The following B3GALNT2 variants were observed in gnomAD, a reference collection of about 807,000 sequenced individuals.
B3GALNT2 encodes the protein beta-1,3-N-acetylgalactosaminyltransferase 2.
A neutral mutation model predicts 61.1 loss-of-function variants in B3GALNT2; 53 were observed. The observed-to-expected ratio is 0.87, with a 90% CI of 0.70 to 1.09. B3GALNT2 has a LOEUF of 1.09. Ranked by LOEUF, B3GALNT2 falls within the 50% of genes least tolerant of loss-of-function variation. The pLI is 0.00. For missense variants in B3GALNT2, 544 were observed against 623.0 expected (o/e 0.87, Z 1.35); for synonymous variants, 223 against 237.4 (o/e 0.94, Z 0.56).
chr1:235,449,979 C>A lies in B3GALNT2; in HGVS notation c.*227G>T. The A allele has an allele frequency of 5.1e-6, 2 of 393,454 alleles. No homozygotes were observed. Among genetic ancestry groups the A allele is most frequent in the East Asian group, 8.0e-5 (2 of 24,890 alleles). 24.4% of individuals were successfully genotyped at this position (393,454 alleles called of 1,614,324 possible). Reference sequence around the variant, plus strand: ...AATAACTTGGTATTTTTCTGATAATCTTCCAATAGATAAATAAAAACTTTT... The same window carrying A: ...AATAACTTGGTATTTTTCTGATAATATTCCAATAGATAAATAAAAACTTTT... On this transcript the variant is annotated 3_prime_UTR_variant, in exon 12 of 12. Transcript: ENST00000366600.
At chr1:235,467,352 A>AAAAT (rs1572506374) in intron 6 of B3GALNT2, among the ~76,000 whole-genome samples, 2 of 152,214 alleles carry the variant, frequency 1.3e-5, no homozygotes, top group East Asian at 3.9e-4. Flanking sequence ...CCATCTCAAA[A>AAAAT]AAATAAATAA....
intron 3 of B3GALNT2, among the ~76,000 whole-genome samples, chr1:235,488,332 T>A (rs556687909): frequency 2.0e-5 from 3 of 152,192 alleles, no homozygotes; most frequent in African/African-American, 7.2e-5. Flanking sequence ...GTCTCCTGGA[T>A]CCTAAAGTTC....
intron 3 of B3GALNT2, among the ~76,000 whole-genome samples, chr1:235,488,781 T>C (rs1237757699): frequency 6.7e-6 from 1 of 148,306 alleles, no homozygotes; most frequent in Non-Finnish European, 1.5e-5. Context: ...CTCCAGGGCA[T>C]GGTGGCTCAT....
At position 235,504,026 on chromosome 1, in the gene B3GALNT2, C is replaced by T. The variant is rs1383229697; in HGVS notation, c.112+115G>A. ...AAGAGCCGTTTGTTTCGTCTGGGGA[C>T]CGTCGCGTTTGGCCCTTCCCCCGCC... is the stretch of plus-strand genomic sequence containing the variant. On this transcript the variant is annotated intron_variant, in intron 1 of 11. Transcript: ENST00000366600. 5.5e-6 allele frequency: 6 copies of T among 1,083,754 alleles called. No individual in the cohort carries two copies. In the African/African-American group the frequency reaches 6.6e-5, roughly 12 times the overall value. 67.1% of individuals were successfully genotyped at this position (1,083,754 alleles called of 1,614,324 possible).
rs1449852345 is a variant in B3GALNT2 at position 235,447,401 on chromosome 1, AT to A, written c.*2804del. On this transcript the variant is annotated 3_prime_UTR_variant, in exon 12 of 12. Transcript: ENST00000366600. ...ATTTCTTATAATCAAAATATCCACT[AT>A]TTACCACAACCCGTCTTTGGAAAGA... is the stretch of plus-strand genomic sequence containing the variant. Among the ~76,000 whole-genome samples the A allele has an allele frequency of 6.6e-6, 1 of 152,218 alleles. No individual in the cohort carries two copies. Among genetic ancestry groups the A allele is most frequent in the Non-Finnish European group, 1.5e-5 (1 of 68,040 alleles).
rs1015718556 is a variant in B3GALNT2 at position 235,485,620 on chromosome 1, T to C, written c.362-1105A>G. 5.3e-5 allele frequency among the ~76,000 whole-genome samples: 8 copies of C among 152,174 alleles called. No homozygotes were observed. The East Asian group carries it at 1.5e-3, about 29-fold the overall frequency. ...CTTCAAATAAATTTTCTAATTACCATAAATGAATCAGAATACATTAAATAA... is the reference window on the plus strand; with the variant it reads ...CTTCAAATAAATTTTCTAATTACCACAAATGAATCAGAATACATTAAATAA... On this transcript the variant is annotated intron_variant, in intron 3 of 11. Coordinates refer to ENST00000366600, the MANE Select transcript of B3GALNT2 (RefSeq NM_152490.5).
In B3GALNT2 at chr1:235,448,354, A is replaced by T; in HGVS notation, c.*1852T>A. On this transcript the variant is annotated 3_prime_UTR_variant, in exon 12 of 12. Coordinates refer to ENST00000366600, the MANE Select transcript of B3GALNT2 (RefSeq NM_152490.5). ...CTTTTCTTGTCTTTTGATAGGCTCCATGACAATTCAAAAGGTGAAGGGATT... is the reference window on the plus strand; with the variant it reads ...CTTTTCTTGTCTTTTGATAGGCTCCTTGACAATTCAAAAGGTGAAGGGATT... 1 of 1,613,980 alleles carries T rather than the reference A, an allele frequency of 6.2e-7. No individual in the cohort carries two copies. Among genetic ancestry groups the T allele is most frequent in the East Asian group, 2.2e-5 (1 of 44,888 alleles).
chr1:235,489,033 G>C (rs1684937670), intron 3 of B3GALNT2, 135 bp downstream of exon 3: 3 of 1,233,998 alleles, frequency 2.4e-6, no homozygotes, highest in Middle Eastern at 3.0e-4. Flanking sequence ...CTAGGCGACA[G>C]AGCAAGACCC....
intron 1 of B3GALNT2, among the ~76,000 whole-genome samples, chr1:235,502,065 T>TG (rs1685604985): frequency 6.6e-6 from 1 of 152,182 alleles, no homozygotes; most frequent in Non-Finnish European, 1.5e-5. Flanking sequence ...CAGGCTGGAG[T>TG]GCAGTGGCGC....
At chr1:235,465,915 A>G (rs980472059) in intron 6 of B3GALNT2, 4 of 568,720 alleles carry the variant, frequency 7.0e-6, no homozygotes, top group African/African-American at 1.9e-5. Context: ...AATACTAAAG[A>G]TAAGATATAC....
chr1:235,463,969 A>G (rs1558415843), intron 7 of B3GALNT2: 1 of 152,228 alleles, frequency 6.6e-6, no homozygotes, highest in Non-Finnish European at 1.5e-5. Flanking sequence ...AGAGTCCTCA[A>G]GTAAATCCTT....
chr1:235,493,984 G>A (rs1685195751), intron 2 of B3GALNT2, among the ~76,000 whole-genome samples: 1 of 152,080 alleles, frequency 6.6e-6, no homozygotes, highest in Non-Finnish European at 1.5e-5. Context: ...AAGGCTTTGG[G>A]CCCCTAACTA....
intron 5 of B3GALNT2, chr1:235,479,175 G>C (rs1228658056): frequency 6.6e-6 from 1 of 152,190 alleles, no homozygotes. Flanking sequence ...TGAACACATT[G>C]TGAATGGCAC....
At chr1:235,492,654 C>T (rs1328428014) in intron 2 of B3GALNT2, among the ~76,000 whole-genome samples, 5 of 152,146 alleles carry the variant, frequency 3.3e-5, no homozygotes, top group African/African-American at 1.2e-4. Flanking sequence ...AACAATTTTA[C>T]AACTAAATAC....
rs1201655578 is a variant in B3GALNT2 at position 235,447,715 on chromosome 1, G to A, written c.*2491C>T. On this transcript the variant is annotated 3_prime_UTR_variant, in exon 12 of 12. Transcript: ENST00000366600. ...TTTAAAAAGAAAACGTTAATGACTC[G>A]CTCCCTTTATTCTTCTGTGCTGAGA... Among the ~76,000 whole-genome samples the A allele has an allele frequency of 1.3e-5, 2 of 152,220 alleles. No individual in the cohort carries two copies. Among genetic ancestry groups the A allele is most frequent in the East Asian group, 1.9e-4 (1 of 5,180 alleles).
chr1:235,499,723 G>A (rs896402873), intron 1 of B3GALNT2, among the ~76,000 whole-genome samples: 2 of 152,230 alleles, frequency 1.3e-5, no homozygotes, highest in Non-Finnish European at 2.9e-5. Context: ...GTGGAATTAA[G>A]ATTGGACAGA....
chr1:235,453,074 A>T lies in B3GALNT2; in HGVS notation c.1368+16T>A. On this transcript the variant is annotated intron_variant, in intron 11 of 11. Transcript: ENST00000366600. Reference sequence around the variant, plus strand: ...CTCAACTCTTAAGAACCCTGAGGCCATCCCCAAAGACTTACCTGGTATCTT... The same window carrying T: ...CTCAACTCTTAAGAACCCTGAGGCCTTCCCCAAAGACTTACCTGGTATCTT... The T allele has an allele frequency of 6.2e-7, 1 of 1,602,602 alleles. No homozygotes were observed. The highest frequency in any genetic ancestry group is 8.5e-7 in the Non-Finnish European group (1 of 1,169,590).
intron 3 of B3GALNT2, 46 bp downstream of exon 3, chr1:235,489,120 ACT>A (rs1190520036): frequency 1.3e-6 from 2 of 1,598,948 alleles, no homozygotes; most frequent in Non-Finnish European, 1.7e-6. Context: ...AGCAACTTTT[ACT>A]CAACATCAAG....
At chr1:235,465,548 CAAAAA>C (rs111575858) in intron 7 of B3GALNT2, 83 bp downstream of exon 7, 6 of 1,534,894 alleles carry the variant, frequency 3.9e-6, no homozygotes, top group Admixed American at 4.2e-5. Context: ...TTTTAAAAGA[CAAAAA>C]AGAAAAAATC....
Sources: gnomAD v4.1 joint callset for allele counts (sites outside exome capture counted in the v4.1 genomes callset) on GRCh38, gnomAD v4.1.1 for gene constraint, MANE v1.5 for transcripts, NCBI Gene and HGNC (gene_info 2026-07-23, HGNC 2026-07-21) for gene names.